TRIM44: variants seen among roughly 807,000 people sequenced by gnomAD.
TRIM44 encodes the protein tripartite motif-containing protein 44.
In TRIM44, 13 loss-of-function variants were observed where a neutral mutation model predicts 37.4. The observed-to-expected ratio is 0.35, with a 90% CI of 0.23 to 0.55. The LOEUF (loss-of-function observed/expected upper bound fraction) is 0.55. Ranked by LOEUF, TRIM44 falls within the 20% of genes least tolerant of loss-of-function variation. The pLI, the probability that TRIM44 is intolerant of heterozygous loss-of-function variation, is 0.89. For missense variants in TRIM44, 426 were observed against 437.2 expected (o/e 0.97, Z 0.23); for synonymous variants, 175 against 157.2 (o/e 1.11, Z -0.85).
At chr11:35,745,831 A>C (rs1208591362) in intron 4 of TRIM44, among the ~76,000 whole-genome samples, 1 of 152,152 alleles carries the variant, frequency 6.6e-6, no homozygotes, top group Non-Finnish European at 1.5e-5. Context: ...GGAGGAAACC[A>C]GAGTACCTGG....
At chr11:35,754,973 A>G (rs922729536) in intron 4 of TRIM44, among the ~76,000 whole-genome samples, 1 of 152,174 alleles carries the variant, frequency 6.6e-6, no homozygotes, top group African/African-American at 2.4e-5. Flanking sequence ...ATACATGTGC[A>G]TGTGTCTTTA....
chr11:35,671,313 T>C (rs1025071526), intron 1 of TRIM44, among the ~76,000 whole-genome samples: 1 of 152,254 alleles, frequency 6.6e-6, no homozygotes, highest in Non-Finnish European at 1.5e-5. Context: ...AGGCAAGTTA[T>C]GTTATAGTTT....
chr11:35,730,899 G>T (rs1564983609), intron 3 of TRIM44, among the ~76,000 whole-genome samples: 1 of 148,774 alleles, frequency 6.7e-6, no homozygotes, highest in Admixed American at 6.7e-5. Context: ...GCCCAGGCTG[G>T]AGTGCAGTGG....
intron 4 of TRIM44, among the ~76,000 whole-genome samples, chr11:35,758,484 AT>A (rs1345388447): frequency 1.3e-5 from 2 of 152,152 alleles, no homozygotes; most frequent in Non-Finnish European, 2.9e-5. Context: ...TAATTGGAGC[AT>A]TTAGCCCATT....
chr11:35,759,087 C>T (rs1267234288), intron 4 of TRIM44, among the ~76,000 whole-genome samples: 1 of 152,176 alleles, frequency 6.6e-6, no homozygotes, highest in African/African-American at 2.4e-5. Flanking sequence ...TAATATCCTG[C>T]AGAGTGTTTT....
intron 2 of TRIM44, among the ~76,000 whole-genome samples, chr11:35,703,704 G>C (rs1851831320): frequency 1.3e-5 from 2 of 152,236 alleles, no homozygotes; most frequent in Admixed American, 1.3e-4. Flanking sequence ...TGAGGGTCCT[G>C]TCTGATAGAA....
intron 1 of TRIM44, among the ~76,000 whole-genome samples, chr11:35,667,817 C>A (rs1004790047): frequency 6.6e-6 from 1 of 152,218 alleles, no homozygotes; most frequent in African/African-American, 2.4e-5. Context: ...TATCCTTGAT[C>A]CAACTTGGTC....
intron 3 of TRIM44, among the ~76,000 whole-genome samples, chr11:35,734,135 C>T (rs941088451): frequency 6.6e-6 from 1 of 152,026 alleles, no homozygotes; most frequent in East Asian, 1.9e-4. Flanking sequence ...GCTCCTGATT[C>T]GAAAATCCTA....
At chr11:35,729,946 C>A (rs1447317896) in intron 3 of TRIM44, among the ~76,000 whole-genome samples, 1 of 152,142 alleles carries the variant, frequency 6.6e-6, no homozygotes, top group Non-Finnish European at 1.5e-5. Context: ...CACTATACCC[C>A]AGTATGGGTG....
intron 1 of TRIM44, among the ~76,000 whole-genome samples, chr11:35,674,263 C>G (rs1429321675): frequency 7.1e-6 from 1 of 140,926 alleles, no homozygotes; most frequent in Non-Finnish European, 1.6e-5. Context: ...TACACATGCG[C>G]ACATGTGTTT....
intron 2 of TRIM44, among the ~76,000 whole-genome samples, chr11:35,715,027 C>T (rs1009432712): frequency 2.6e-5 from 4 of 152,158 alleles, no homozygotes; most frequent in South Asian, 2.1e-4. Flanking sequence ...ACCCTGGGGT[C>T]AGGCAAAGAG....
chr11:35,729,974 C>T (rs566586361), intron 3 of TRIM44, among the ~76,000 whole-genome samples: 18 of 152,094 alleles, frequency 1.2e-4, no homozygotes, highest in South Asian at 1.0e-3. Flanking sequence ...AAGACCCTGT[C>T]TCAAAAATAA....
At chr11:35,766,416 G>A (rs948632433) in intron 4 of TRIM44, among the ~76,000 whole-genome samples, 3 of 152,162 alleles carry the variant, frequency 2.0e-5, no homozygotes, top group African/African-American at 7.2e-5. Context: ...GGAAAGGTAG[G>A]CAGAATTGAA....
chr11:35,665,116 A>G (rs971259877), intron 1 of TRIM44, among the ~76,000 whole-genome samples: 2 of 151,968 alleles, frequency 1.3e-5, no homozygotes, highest in African/African-American at 4.8e-5. Context: ...CAAGTTATCT[A>G]TTCTGTCATA....
chr11:35,703,595 G>A (rs1040953712), intron 2 of TRIM44, among the ~76,000 whole-genome samples: 10 of 152,142 alleles, frequency 6.6e-5, no homozygotes, highest in Non-Finnish European at 1.2e-4. Context: ...GGCAGCATTC[G>A]CGGTTCACAA....
chr11:35,803,308 C>CT (rs1294633957), intron 4 of TRIM44, among the ~76,000 whole-genome samples: 1 of 151,862 alleles, frequency 6.6e-6, no homozygotes, highest in African/African-American at 2.4e-5. Flanking sequence ...CCATTAACCT[C>CT]TGAGTCCCAC....
chr11:35,684,727 G>T (rs913614312), intron 1 of TRIM44, among the ~76,000 whole-genome samples: 16 of 152,144 alleles, frequency 1.1e-4, no homozygotes, highest in Admixed American at 7.2e-4. Flanking sequence ...CAATGCTCCT[G>T]CCTCAGCCTC....
At position 35,662,861 on chromosome 11, in the gene TRIM44, C is replaced by T; in HGVS notation, c.-251C>T. ...CGACGGGGGCGCCGGGTGGCCGCGC[C>T]GGAAGTGCCTTGCGCGGCAGAGGAA... On this transcript the variant is annotated 5_prime_UTR_variant, in exon 1 of 5. Coordinates refer to ENST00000299413, the MANE Select transcript of TRIM44 (RefSeq NM_017583.6). 2 of 450,636 alleles carry T rather than the reference C, an allele frequency of 4.4e-6. No individual in the cohort carries two copies. Among genetic ancestry groups the T allele is most frequent in the Non-Finnish European group, 6.8e-6 (2 of 294,336 alleles). 27.9% of individuals were successfully genotyped at this position (450,636 alleles called of 1,614,324 possible). A position where few individuals can be genotyped will look rare whatever the true frequency, so the allele number is the denominator to read the frequency against.
intron 2 of TRIM44, among the ~76,000 whole-genome samples, chr11:35,688,584 A>G (rs1270036850): frequency 1.3e-5 from 2 of 152,186 alleles, no homozygotes; most frequent in Non-Finnish European, 2.9e-5. Context: ...TTTATGTGGA[A>G]TATCTTAGAT....
Sources: gnomAD v4.1 joint callset for allele counts (sites outside exome capture counted in the v4.1 genomes callset) on GRCh38, gnomAD v4.1.1 for gene constraint, MANE v1.5 for transcripts, NCBI Gene and HGNC (gene_info 2026-07-23, HGNC 2026-07-21) for gene names.